MAF: variants seen among roughly 807,000 people sequenced by gnomAD.
The protein encoded by MAF is transcription factor Maf.
MAF carries 10 observed loss-of-function variants against 22.0 expected under a neutral mutation model. The observed-to-expected ratio is 0.45, with a 90% CI of 0.28 to 0.77. The LOEUF (loss-of-function observed/expected upper bound fraction) is 0.77. Ranked by LOEUF, MAF falls within the 30% of genes least tolerant of loss-of-function variation. The pLI, the probability that MAF is intolerant of heterozygous loss-of-function variation, is 0.12. For synonymous variants in MAF, 337 were observed against 255.8 expected, an observed-to-expected ratio of 1.32 and a Z score of -3.03; for missense variants, 544 against 548.4, an observed-to-expected ratio of 0.99 and a Z score of 0.08.
the MAF span, among the ~76,000 whole-genome samples, chr16:79,367,269 C>A: frequency 1.3e-5 from 2 of 152,188 alleles, no homozygotes; most frequent in Admixed American, 1.3e-4. Context: ...AGCCTGGCTG[C>A]TCAAATGATA....
At chr16:79,570,566 C>T in the MAF span, among the ~76,000 whole-genome samples, 1 of 152,318 alleles carries the variant, frequency 6.6e-6, no homozygotes, top group South Asian at 2.1e-4. Context: ...ATTTGATACT[C>T]CTGTGTTGAA....
At chr16:79,211,865 G>C in the MAF span, 2 of 1,599,618 alleles carry the variant, frequency 1.3e-6, no homozygotes, top group Non-Finnish European at 1.7e-6. Context: ...TGCCAGGGCT[G>C]GGCCCCTTCC....
the MAF span, among the ~76,000 whole-genome samples, chr16:79,289,664 T>C: frequency 6.6e-6 from 1 of 152,040 alleles, no homozygotes; most frequent in Non-Finnish European, 1.5e-5. Flanking sequence ...GCAGCCTGAA[T>C]GGGGCACTTG....
At chr16:79,226,748 C>T in the MAF span, among the ~76,000 whole-genome samples, 1 of 152,146 alleles carries the variant, frequency 6.6e-6, no homozygotes, top group Non-Finnish European at 1.5e-5. Flanking sequence ...ATATTCCCCA[C>T]ATTTTCTATG....
the MAF span, among the ~76,000 whole-genome samples, chr16:79,575,346 C>A: frequency 6.6e-6 from 1 of 152,170 alleles, no homozygotes; most frequent in Non-Finnish European, 1.5e-5. Flanking sequence ...GAGATATACA[C>A]CTGACTAAGA....
chr16:79,328,359 G>A, the MAF span, among the ~76,000 whole-genome samples: 1 of 152,112 alleles, frequency 6.6e-6, no homozygotes, highest in Admixed American at 6.6e-5. Flanking sequence ...AGGCATTTAG[G>A]GCAACTCCAA....
chr16:79,470,705 A>G, the MAF span, among the ~76,000 whole-genome samples: 1 of 152,198 alleles, frequency 6.6e-6, no homozygotes, highest in East Asian at 1.9e-4. Flanking sequence ...TACTACAGGA[A>G]AGACAGCCAG....
At chr16:79,395,824 C>T in the MAF span, among the ~76,000 whole-genome samples, 1 of 152,118 alleles carries the variant, frequency 6.6e-6, no homozygotes, top group African/African-American at 2.4e-5. Context: ...GGAACTCAAA[C>T]AGTAGGGAGA....
the MAF span, chr16:79,203,079 C>T: frequency 6.6e-6 from 1 of 152,234 alleles, no homozygotes; most frequent in Non-Finnish European, 1.5e-5. Flanking sequence ...ATTAAAGCAA[C>T]AGCACACACG....
chr16:79,482,521 G>C, the MAF span, among the ~76,000 whole-genome samples: 2 of 152,144 alleles, frequency 1.3e-5, no homozygotes, highest in Non-Finnish European at 2.9e-5. Flanking sequence ...TGATAAGAAG[G>C]AGCACAATCT....
the MAF span, among the ~76,000 whole-genome samples, chr16:79,304,577 C>A: frequency 6.6e-6 from 1 of 152,044 alleles, no homozygotes; most frequent in Admixed American, 6.5e-5. Flanking sequence ...ACAAAAGGAA[C>A]AAAAGATAAG....
chr16:79,586,270 G>C (rs1912834326), intron 1 of MAF, among the ~76,000 whole-genome samples: 1 of 151,698 alleles, frequency 6.6e-6, no homozygotes, highest in African/African-American at 2.4e-5. Flanking sequence ...GGAGCCAAGA[G>C]ATTCTGGGTT....
the MAF span, among the ~76,000 whole-genome samples, chr16:79,366,101 GT>G: frequency 6.6e-6 from 1 of 152,102 alleles, no homozygotes; most frequent in African/African-American, 2.4e-5. Context: ...ACTAATATTT[GT>G]TTTTCTGTTG....
chr16:79,318,821 T>C, the MAF span, among the ~76,000 whole-genome samples: 1 of 152,200 alleles, frequency 6.6e-6, no homozygotes, highest in Non-Finnish European at 1.5e-5. Context: ...ACACAGCCTC[T>C]GCTGGAAGAC....
intron 1 of MAF, among the ~76,000 whole-genome samples, chr16:79,587,679 A>G (rs1912930029): frequency 6.6e-6 from 1 of 152,078 alleles, no homozygotes. Context: ...TCCTGACCAT[A>G]TCATTGATAG....
At chr16:79,309,719 T>G in the MAF span, among the ~76,000 whole-genome samples, 1 of 152,206 alleles carries the variant, frequency 6.6e-6, no homozygotes, top group African/African-American at 2.4e-5. Context: ...ACTTCCACCA[T>G]AAATTACGAG....
chr16:79,352,772 A>G, the MAF span, among the ~76,000 whole-genome samples: 4 of 152,236 alleles, frequency 2.6e-5, no homozygotes, highest in African/African-American at 9.6e-5. Flanking sequence ...ATTGTAGTGA[A>G]TATTATAGGA....
chr16:79,520,254 G>A, the MAF span, among the ~76,000 whole-genome samples: 5 of 152,220 alleles, frequency 3.3e-5, no homozygotes, highest in Admixed American at 1.3e-4. Flanking sequence ...CTCCTGGTTC[G>A]AGCCCTTCTA....
chr16:79,337,503 G>C, the MAF span, among the ~76,000 whole-genome samples: 1 of 152,126 alleles, frequency 6.6e-6, no homozygotes, highest in Non-Finnish European at 1.5e-5. Flanking sequence ...GGGAGGCGGA[G>C]GTTGCAGTGA....
Sources: gnomAD v4.1 joint callset for allele counts (sites outside exome capture counted in the v4.1 genomes callset) on GRCh38, gnomAD v4.1.1 for gene constraint, MANE v1.5 for transcripts, NCBI Gene and HGNC (gene_info 2026-07-23, HGNC 2026-07-21) for gene names.